The following CHD2 variants were observed in gnomAD, a reference collection of about 807,000 sequenced individuals.
CHD2 encodes ATP-dependent chromatin remodeler CHD2.
CHD2 carries 28 observed loss-of-function variants against 243.9 expected under a neutral mutation model. The ratio of observed to expected loss-of-function variants is 0.11; its 90% CI spans 0.09 to 0.16. The LOEUF (loss-of-function observed/expected upper bound fraction) is 0.16. CHD2 is among the 10% of genes least tolerant of loss of function. CHD2 has a pLI of 1.00. For synonymous variants in CHD2, 775 were observed against 779.0 expected, an observed-to-expected ratio of 0.99 and a Z score of 0.09; for missense variants, 1,386 against 2,209.8, an observed-to-expected ratio of 0.63 and a Z score of 7.47.
chr15:92,922,334 A>C (rs975894796), intron 2 of CHD2, among the ~76,000 whole-genome samples: 6 of 152,222 alleles, frequency 3.9e-5, no homozygotes, highest in African/African-American at 1.4e-4. Context: ...AAAATAATAC[A>C]TATAAAGTAC....
chr15:92,912,395 C>T (rs908507279), intron 2 of CHD2, among the ~76,000 whole-genome samples: 4 of 152,100 alleles, frequency 2.6e-5, no homozygotes, highest in Admixed American at 6.6e-5. Context: ...CTCGCTCTGT[C>T]GCCTGGGCTG....
At chr15:92,993,637 G>C (rs887023492) in intron 28 of CHD2, among the ~76,000 whole-genome samples, 4 of 152,170 alleles carry the variant, frequency 2.6e-5, no homozygotes, top group African/African-American at 9.6e-5. Flanking sequence ...CACCCTCATA[G>C]TGAACTTTAA....
chr15:92,904,464 C>A, intron 2 of CHD2: 1 of 989,464 alleles, frequency 1.0e-6, no homozygotes, highest in Non-Finnish European at 1.2e-6. Flanking sequence ...CTTTCTCCTC[C>A]CCCTACCCAG....
At chr15:92,907,088 TTTTCTG>T (rs1037083471) in intron 2 of CHD2, among the ~76,000 whole-genome samples, 1 of 152,208 alleles carries the variant, frequency 6.6e-6, no homozygotes, top group African/African-American at 2.4e-5. Flanking sequence ...CTTATGACCC[TTTTCTG>T]TAATCAATGG....
intron 25 of CHD2, 41 bp downstream of exon 25, chr15:92,984,541 TTG>T: frequency 6.4e-7 from 1 of 1,555,184 alleles, no homozygotes. Flanking sequence ...ATTTCTTATG[TTG>T]TGAATGCTAC....
Position 92,972,850 on chromosome 15 carries a change from CAAAAAAAAAAA to C in CHD2, c.2505+445_2505+455del, listed in dbSNP as rs758722546. Among the ~76,000 whole-genome samples the C allele has an allele frequency of 2.7e-4, 2 of 7,282 alleles. 1 individual carries two copies. The highest frequency in any genetic ancestry group is 5.2e-4 in the African/African-American group (2 of 3,860). The allele number at this position is 7,282 out of a possible 152,430, so 4.8% of individuals were successfully genotyped here. A position where few individuals can be genotyped will look rare whatever the true frequency, so the allele number is the denominator to read the frequency against. ...TGGGCGACAGAGCGAGACTCCGTCT[CAAAAAAAAAAA>C]AAAAAAAAAAAGATTCCAGGAGGGT... On this transcript the variant is annotated intron_variant, in intron 19 of 38. Coordinates refer to ENST00000394196, the MANE Select transcript of CHD2 (RefSeq NM_001271.4).
chr15:92,906,259 C>G (rs532665577), intron 2 of CHD2, among the ~76,000 whole-genome samples: 1 of 152,092 alleles, frequency 6.6e-6, no homozygotes. Flanking sequence ...CTCTTTCTCT[C>G]TCTCTCTCTG....
intron 3 of CHD2, among the ~76,000 whole-genome samples, chr15:92,925,524 A>T (rs1388683246): frequency 6.6e-6 from 1 of 152,246 alleles, no homozygotes; most frequent in Non-Finnish European, 1.5e-5. Flanking sequence ...ATGTAGTAAC[A>T]CTGAAATGAT....
At chr15:93,024,341 C>A (rs2054568106) in intron 38 of CHD2, 31 bp from the exon 39 acceptor site, 1 of 1,587,248 alleles carries the variant, frequency 6.3e-7, no homozygotes, top group African/African-American at 1.3e-5. Flanking sequence ...TGGCTTCAGT[C>A]TTTCGACTAA....
intron 20 of CHD2, 28 bp from the exon 21 acceptor site, chr15:92,978,206 A>G (rs1164540623): frequency 1.2e-6 from 2 of 1,613,898 alleles, no homozygotes; most frequent in Non-Finnish European, 1.7e-6. Flanking sequence ...AGGCCACTGC[A>G]TAAAGTAGTA....
chr15:92,965,743 C>G (rs2053753467), intron 16 of CHD2, among the ~76,000 whole-genome samples: 2 of 151,720 alleles, frequency 1.3e-5, no homozygotes, highest in East Asian at 3.9e-4. Flanking sequence ...GTGTGTAGAT[C>G]AAGAACTAGT....
At chr15:92,991,179 A>G (rs2054115192) in intron 26 of CHD2, among the ~76,000 whole-genome samples, 1 of 152,218 alleles carries the variant, frequency 6.6e-6, no homozygotes, top group African/African-American at 2.4e-5. Flanking sequence ...TGTATCTTCT[A>G]AAAAGGATAT....
At chr15:92,910,494 G>C (rs1054568675) in intron 2 of CHD2, among the ~76,000 whole-genome samples, 1 of 152,168 alleles carries the variant, frequency 6.6e-6, no homozygotes, top group Non-Finnish European at 1.5e-5. Flanking sequence ...CCAGGTTCAA[G>C]CGATTGTTCT....
intron 37 of CHD2, among the ~76,000 whole-genome samples, chr15:93,016,180 G>A (rs1421284456): frequency 6.6e-6 from 1 of 152,222 alleles, no homozygotes; most frequent in Admixed American, 6.5e-5. Context: ...GCTTTAAAAA[G>A]AAGGAAATCC....
intron 2 of CHD2, among the ~76,000 whole-genome samples, chr15:92,912,767 C>T (rs565694416): frequency 9.9e-4 from 150 of 151,672 alleles, no homozygotes; most frequent in Non-Finnish European, 1.7e-3. Context: ...AACTCCTGAC[C>T]TCGTGATCCG....
rs1480016742 is a variant in CHD2, at chr15:92,943,072, T to C, written c.1052+4T>C. ...AAGAGGACGAAATCAAACAATGGTATATTTTCCATCATGGATTAAAGAAAT... is the reference window on the plus strand; with the variant it reads ...AAGAGGACGAAATCAAACAATGGTACATTTTCCATCATGGATTAAAGAAAT... On this transcript the variant is annotated splice_donor_region_variant and intron_variant, in intron 9 of 38. Coordinates refer to ENST00000394196, the MANE Select transcript of CHD2 (RefSeq NM_001271.4). 6.2e-7 allele frequency: 1 copy of C among 1,601,634 alleles called. No individual in the cohort carries two copies. The highest frequency in any genetic ancestry group is 2.2e-5 in the East Asian group (1 of 44,786).
intron 5 of CHD2, among the ~76,000 whole-genome samples, chr15:92,933,653 T>C (rs897034913): frequency 2.0e-5 from 3 of 152,168 alleles, no homozygotes; most frequent in Non-Finnish European, 2.9e-5. Context: ...CAGGTGGGAG[T>C]GCAGTGCAGT....
Position 93,026,063 on chromosome 15 carries a change from A to C in CHD2, c.*1358A>C, listed in dbSNP as rs1429090834. 2 of 152,696 alleles carry C rather than the reference A, an allele frequency of 1.3e-5. No homozygotes were observed. Among genetic ancestry groups the C allele is most frequent in the Non-Finnish European group, 2.9e-5 (2 of 68,050 alleles). The allele number at this position is 152,696 out of a possible 1,614,324, so 9.5% of individuals were successfully genotyped here. On this transcript the variant is annotated 3_prime_UTR_variant, in exon 39 of 39. Transcript: ENST00000394196. The stretch of plus-strand genomic sequence containing the variant: ...ACGAGAGTTGAACTGAGTCAGGTTT[A>C]GGAAGCAAGTTTGGTTGCATCAATT...
At chr15:93,023,181 A>C (rs11634022) in intron 38 of CHD2, among the ~76,000 whole-genome samples, 17,477 of 152,174 alleles carry the variant, frequency 0.11, 1,197 homozygotes, top group South Asian at 0.19. Context: ...ATCCTTCCCC[A>C]TTATTCCCTC....
Sources: gnomAD v4.1 joint callset for allele counts (sites outside exome capture counted in the v4.1 genomes callset) on GRCh38, gnomAD v4.1.1 for gene constraint, MANE v1.5 for transcripts, NCBI Gene and HGNC (gene_info 2026-07-23, HGNC 2026-07-21) for gene names.